The following FAM9A variants were observed in gnomAD, a reference collection of about 807,000 sequenced individuals.
The protein encoded by FAM9A is family with sequence similarity 9 member A.
In FAM9A, 49 loss-of-function variants were observed where a neutral mutation model predicts 25.0. The ratio of observed to expected loss-of-function variants is 1.96; its 90% CI spans 1.56 to 2.48. The LOEUF (loss-of-function observed/expected upper bound fraction) is 2.48, where lower values mean the gene tolerates loss of function less well. Among genes scored for constraint, FAM9A ranks in the 30% most tolerant of loss-of-function variants. The pLI, the probability that FAM9A is intolerant of heterozygous loss-of-function variation, is 0.00. For missense variants in FAM9A, 266 were observed against 249.3 expected (o/e 1.07, Z -0.45); for synonymous variants, 80 against 85.1 (o/e 0.94, Z 0.33).
chrX:8,796,861 T>C (rs907730201), intron 5 of FAM9A, among the ~76,000 whole-genome samples: 4 of 112,230 alleles, frequency 3.6e-5, no homozygotes, highest in African/African-American at 1.3e-4. Context: ...TGGTGATTGA[T>C]GCTATTAACT....
chrX:8,795,182 C>A lies in FAM9A; in HGVS notation c.727G>T (p.Glu243Ter), dbSNP rs771801956. 4.9e-6 allele frequency: 5 copies of A among 1,019,890 alleles called. No homozygotes were observed. The highest frequency in any genetic ancestry group is 1.9e-5 in the African/African-American group (1 of 51,748). 84.1% of individuals were successfully genotyped at this position (1,019,890 alleles called of 1,213,427 possible). A position where few individuals can be genotyped will look rare whatever the true frequency, so the allele number is the denominator to read the frequency against. ...TCTTCTCCTTCTTCTCCTCCTCCTT[C>A]TTCTTCTCCTTCTTCTTCCTCCTCT... ...KEEEEEEGEE[E>*]GGGEEGEEGG... Residue 243 changes from glutamate to a stop codon, truncating the protein, a stop_gained, in exon 7 of 10, where the codon GAA (glutamate) becomes TAA (stop). Coordinates refer to ENST00000381003, the MANE Select transcript of FAM9A (RefSeq NM_174951.3). LOFTEE classifies it high-confidence loss of function.
At position 8,800,145 on chromosome X, in the gene FAM9A, G is replaced by A; in HGVS notation, c.27C>T (p.Ser9=). Reference sequence around the variant, plus strand: ...CCAACTGAGCTTTGGCAGCCTTCCTGCTGCGCTTCCTGCCCACGGGCTCCA... The same window carrying A: ...CCAACTGAGCTTTGGCAGCCTTCCTACTGCGCTTCCTGCCCACGGGCTCCA... MEPVGRKR[S]RKAAKAQLEA... is the part of the protein sequence containing the mutation. The change falls in exon 2 of 10, where the codon AGC becomes AGT. Residue 9 remains serine (S), a synonymous_variant. Transcript: ENST00000381003. 1 of 1,209,522 alleles carries A rather than the reference G, an allele frequency of 8.3e-7. No homozygotes were observed. Among genetic ancestry groups the A allele is most frequent in the Non-Finnish European group, 1.1e-6 (1 of 894,428 alleles).
At chrX:8,798,218 C>T in intron 4 of FAM9A, 37 bp from the exon 5 acceptor site, 1 of 1,204,065 alleles carries the variant, frequency 8.3e-7, no homozygotes, top group Middle Eastern at 2.3e-4. Context: ...TATCATAATG[C>T]TACACAAAAT....
chrX:8,798,522 G>A (rs376479459), intron 3 of FAM9A, 43 bp from the exon 4 acceptor site: 21 of 1,190,872 alleles, frequency 1.8e-5, no homozygotes, highest in Admixed American at 7.2e-5. Context: ...AGAGGAAGAC[G>A]CTGTTGTGGA....
chrX:8,794,967 C>G (rs1425441212), intron 7 of FAM9A, 111 bp downstream of exon 7: 27 of 1,083,840 alleles, frequency 2.5e-5, no homozygotes, highest in Admixed American at 3.1e-5. Context: ...CTTATGGGCC[C>G]CCCTCTCTGG....
chrX:8,791,845 A>G (rs1295322387), intron 8 of FAM9A, among the ~76,000 whole-genome samples: 1 of 112,181 alleles, frequency 8.9e-6, no homozygotes, highest in African/African-American at 3.2e-5. Context: ...TCCCTCAACA[A>G]ATAGTTCAAC....
At position 8,796,381 on chromosome X, in the gene FAM9A, A is replaced by T; in HGVS notation, c.375T>A (p.Ala125=). ...TTGCAGCAAGGCCCTTTTTAATGTC[A>T]GCTAGATAGTAAATGAAAATGCATT... The part of the protein sequence containing the change: ...IHTMKLEHIA[A]DIKKGLAAKR... The change falls in exon 6 of 10, where the codon GCT becomes GCA. Residue 125 remains alanine (A), a splice_region_variant and synonymous_variant. Transcript: ENST00000381003. 1 of 1,139,972 alleles carries T rather than the reference A, an allele frequency of 8.8e-7. No individual in the cohort carries two copies. Among genetic ancestry groups the T allele is most frequent in the Non-Finnish European group, 1.2e-6 (1 of 840,613 alleles). The allele number at this position is 1,139,972 out of a possible 1,213,427, so 93.9% of individuals were successfully genotyped here. A position where few individuals can be genotyped will look rare whatever the true frequency, so the allele number is the denominator to read the frequency against.
At chrX:8,796,432 C>A (rs1933534829) in intron 5 of FAM9A, 50 bp from the exon 6 acceptor site, 2 of 813,694 alleles carry the variant, frequency 2.5e-6, no homozygotes, top group Non-Finnish European at 3.6e-6. Context: ...AAAGTGGTTT[C>A]TTCGCATATA....
intron 6 of FAM9A, among the ~76,000 whole-genome samples, chrX:8,795,657 A>G (rs1933525228): frequency 9.0e-6 from 1 of 111,668 alleles, no homozygotes. Flanking sequence ...AACAAAGGAG[A>G]GTTTACTGCA....
chrX:8,798,413 A>C lies in FAM9A; in HGVS notation c.287T>G (p.Val96Gly). 1 of 1,212,054 alleles carries C rather than the reference A, an allele frequency of 8.3e-7. No individual in the cohort carries two copies. Residue 96 changes from valine to glycine, a missense_variant, in exon 4 of 10, where the codon GTA (valine) becomes GGA (glycine). Physicochemically the swap from Val to Gly is moderately radical, Grantham distance 109. Coordinates refer to ENST00000381003, the MANE Select transcript of FAM9A (RefSeq NM_174951.3). ...TTCTCTTTCCCCATGCTCATCAGTT[A>C]CATCTTCCTCCCTTGTTTCTGTAAA... Reference protein sequence around the residue: ...NPFTETREEDVTDEHGEREPF... With the variant: ...NPFTETREEDGTDEHGEREPF...
rs755163917 is a variant in FAM9A at position 8,795,123 on chromosome X, TTC to T, written c.784_785del (p.Glu262ArgfsTer16). On this transcript the variant is annotated frameshift_variant, in exon 7 of 10. Transcript: ENST00000381003. LOFTEE classifies it high-confidence loss of function. ...CTTCTTCTTCTTCCTCTTCCTCTTC[TTC>T]TGTTTCTTCTCCTTCTCCTCCTCCT... ...GGGGGEGEETEEEEEEEEEEE... is the reference protein window; with the variant it reads ...GGGGGEGEETXEEEEEEEEEE... 2.7e-4 allele frequency: 309 copies of T among 1,135,791 alleles called. 1 individual carries two copies. The highest frequency in any genetic ancestry group is 7.3e-4 in the Middle Eastern group (3 of 4,133). 93.6% of individuals were successfully genotyped at this position (1,135,791 alleles called of 1,213,427 possible).
intron 5 of FAM9A, among the ~76,000 whole-genome samples, chrX:8,797,416 G>A (rs1186428472): frequency 1.8e-5 from 2 of 111,885 alleles, no homozygotes; most frequent in South Asian, 7.5e-4. Context: ...TTCTCACTGG[G>A]TAGAAAACTT....
At chrX:8,796,131 G>T in intron 6 of FAM9A, 137 bp downstream of exon 6, 1 of 492,162 alleles carries the variant, frequency 2.0e-6, no homozygotes, top group Non-Finnish European at 3.4e-6. Context: ...AAACTTACCT[G>T]CTTAGGGAAC....
At chrX:8,794,424 T>C (rs1318431346) in intron 7 of FAM9A, among the ~76,000 whole-genome samples, 1 of 111,871 alleles carries the variant, frequency 8.9e-6, no homozygotes, top group African/African-American at 3.2e-5. Context: ...TCTTACCGTG[T>C]CTCCTTTTGC....
chrX:8,794,692 C>T (rs1274391204), intron 7 of FAM9A, among the ~76,000 whole-genome samples: 1 of 111,533 alleles, frequency 9.0e-6, no homozygotes, highest in Non-Finnish European at 1.9e-5. Flanking sequence ...TGCCCATTGC[C>T]CACCCCCATG....
intron 1 of FAM9A, among the ~76,000 whole-genome samples, chrX:8,800,753 A>C (rs1467603980): frequency 6.2e-5 from 2 of 32,008 alleles, no homozygotes; most frequent in Admixed American, 3.5e-4. Context: ...CACCCCACGA[A>C]CCCCACACCC....
rs1051090666 is a variant in FAM9A at position 8,791,084 on chromosome X, C to T, written c.*120G>A. The T allele has an allele frequency of 2.1e-5, 7 of 335,024 alleles. No individual in the cohort carries two copies. The highest frequency in any genetic ancestry group is 1.5e-4 in the South Asian group (2 of 13,201). 27.6% of individuals were successfully genotyped at this position (335,024 alleles called of 1,213,427 possible). A position where few individuals can be genotyped will look rare whatever the true frequency, so the allele number is the denominator to read the frequency against. Reference sequence around the variant, plus strand: ...AGTTTACTGTAGCTCAAGTTGTGCTCGTATCATATAACATAGGTTCAAGTT... The same window carrying T: ...AGTTTACTGTAGCTCAAGTTGTGCTTGTATCATATAACATAGGTTCAAGTT... On this transcript the variant is annotated 3_prime_UTR_variant, in exon 10 of 10. Coordinates refer to ENST00000381003, the MANE Select transcript of FAM9A (RefSeq NM_174951.3).
intron 1 of FAM9A, among the ~76,000 whole-genome samples, chrX:8,800,881 TC>T (rs1292061098): frequency 2.5e-5 from 1 of 39,677 alleles, no homozygotes; most frequent in Non-Finnish European, 4.6e-5. Flanking sequence ...CCCCCTCCAT[TC>T]CCCCAAGCCC....
rs751611805 is a variant in FAM9A at position 8,795,246 on chromosome X, G to C, written c.663C>G (p.Asp221Glu). Residue 221 changes from aspartate (D) to glutamate (E), a missense_variant, in exon 7 of 10, where the codon GAC becomes GAG. Asp to Glu is a conservative substitution (Grantham distance 45). Transcript: ENST00000381003. ...CCTCCTCCTTCTCTTCCTCCTCTTCGTCTTCTACTACTATTACTTCTGCTG... is the reference window on the plus strand; with the variant it reads ...CCTCCTCCTTCTCTTCCTCCTCTTCCTCTTCTACTACTATTACTTCTGCTG... The part of the protein sequence containing the change: ...AAAAEVIVVE[D>E]EEEEEKEEEE... The C allele has an allele frequency of 3.6e-5, 40 of 1,109,640 alleles. No homozygotes were observed. Among genetic ancestry groups the C allele is most frequent in the Non-Finnish European group, 4.4e-5 (37 of 837,711 alleles). 91.4% of individuals were successfully genotyped at this position (1,109,640 alleles called of 1,213,427 possible). A position where few individuals can be genotyped will look rare whatever the true frequency, so the allele number is the denominator to read the frequency against.
Sources: gnomAD v4.1 joint callset for allele counts (sites outside exome capture counted in the v4.1 genomes callset) on GRCh38, gnomAD v4.1.1 for gene constraint, MANE v1.5 for transcripts, NCBI Gene and HGNC (gene_info 2026-07-23, HGNC 2026-07-21) for gene names.